Variants in SCARB1 observed in about 807,000 individuals in gnomAD.
SCARB1 encodes CD36 and LIMPII analogous 1.
SCARB1 carries 30 observed loss-of-function variants against 57.2 expected under a neutral mutation model. The ratio of observed to expected loss-of-function variants is 0.52; its 90% CI spans 0.39 to 0.71. The LOEUF is 0.71. Among genes scored for constraint, SCARB1 ranks in the 30% least tolerant of loss-of-function variants. The pLI, the probability that SCARB1 is intolerant of heterozygous loss-of-function variation, is 0.00. For synonymous variants in SCARB1, 249 were observed against 268.3 expected (o/e 0.93, Z 0.70); for missense variants, 543 against 671.2 (o/e 0.81, Z 2.11).
Position 124,778,402 on chromosome 12 carries a change from G to A in SCARB1, c.*185C>T, listed in dbSNP as rs990642498. On this transcript the variant is annotated 3_prime_UTR_variant, in exon 13 of 13. Transcript: ENST00000261693. ...CCTGAGTGTCTGCACAAGCCTGCAC[G>A]CATGTGTGTATGTGTGCCAGGGCGT... 2.2e-5 allele frequency: 27 copies of A among 1,252,038 alleles called. No homozygotes were observed. Among genetic ancestry groups the A allele is most frequent in the Middle Eastern group, 2.1e-4 (1 of 4,774 alleles). The allele number at this position is 1,252,038 out of a possible 1,614,324, so 77.6% of individuals were successfully genotyped here.
chr12:124,798,417 T>G (rs534047612), intron 8 of SCARB1, among the ~76,000 whole-genome samples: 3 of 149,730 alleles, frequency 2.0e-5, no homozygotes, highest in Middle Eastern at 3.7e-3. Flanking sequence ...TCTCAAAAAA[T>G]AAATAAATAA....
At chr12:124,843,937 G>A (rs1952022450) in intron 1 of SCARB1, among the ~76,000 whole-genome samples, 1 of 152,174 alleles carries the variant, frequency 6.6e-6, no homozygotes, top group South Asian at 2.1e-4. Flanking sequence ...ATCGTCTCAG[G>A]TGCTGGAGAG....
At position 124,845,873 on chromosome 12, in the gene SCARB1, G is replaced by A. The variant is rs576100019; in HGVS notation, c.126+17722C>T. On this transcript the variant is annotated intron_variant, in intron 1 of 12. Coordinates refer to ENST00000261693, the MANE Select transcript of SCARB1 (RefSeq NM_005505.5). Reference sequence around the variant, plus strand: ...TACAAAAAAAAAAAATTAGCCGGGTGTGGTGACAGGCGCCTGTAGTCCCAG... The same window carrying A: ...TACAAAAAAAAAAAATTAGCCGGGTATGGTGACAGGCGCCTGTAGTCCCAG... 1.3e-3 allele frequency among the ~76,000 whole-genome samples: 200 copies of A among 151,586 alleles called. 1 individual carries two copies. The highest frequency in any genetic ancestry group is 2.1e-3 in the Non-Finnish European group (144 of 67,906).
chr12:124,839,442 C>G (rs1158441343), intron 1 of SCARB1, among the ~76,000 whole-genome samples: 8 of 152,312 alleles, frequency 5.3e-5, no homozygotes, highest in Non-Finnish European at 1.0e-4. Context: ...CAGCTTCTTA[C>G]CCACCACCCA....
At chr12:124,854,735 A>G (rs1449760166) in intron 1 of SCARB1, among the ~76,000 whole-genome samples, 1 of 152,158 alleles carries the variant, frequency 6.6e-6, no homozygotes, top group African/African-American at 2.4e-5. Context: ...GGCCCGGGCA[A>G]CTGGAAGATG....
chr12:124,830,229 G>A (rs1333070769), intron 1 of SCARB1, among the ~76,000 whole-genome samples: 1 of 152,206 alleles, frequency 6.6e-6, no homozygotes, highest in African/African-American at 2.4e-5. Context: ...AGCAGCCAGA[G>A]TGCTCACACA....
chr12:124,854,762 G>A (rs1196079759), intron 1 of SCARB1, among the ~76,000 whole-genome samples: 1 of 152,212 alleles, frequency 6.6e-6, no homozygotes, highest in African/African-American at 2.4e-5. Flanking sequence ...CTATGATGGA[G>A]TGGGAAGCTG....
At chr12:124,801,174 G>C in intron 7 of SCARB1, among the ~76,000 whole-genome samples, 1 of 152,136 alleles carries the variant, frequency 6.6e-6, no homozygotes, top group East Asian at 1.9e-4. Context: ...ACTCCAGCCT[G>C]GGTAACAGAG....
At chr12:124,778,695 C>T (rs1429522996) in intron 12 of SCARB1, 109 bp from the exon 13 acceptor site, 18 of 1,128,824 alleles carry the variant, frequency 1.6e-5, no homozygotes, top group Non-Finnish European at 2.0e-5. Flanking sequence ...AGACTCCACC[C>T]CCGCCACCAG....
chr12:124,778,649 C>T, intron 12 of SCARB1, 63 bp from the exon 13 acceptor site: 1 of 1,345,458 alleles, frequency 7.4e-7, no homozygotes, highest in Non-Finnish European at 9.6e-7. Context: ...ACCCTCATCC[C>T]CGCCCACCAC....
intron 9 of SCARB1, among the ~76,000 whole-genome samples, chr12:124,790,487 C>T (rs1385271098): frequency 6.6e-6 from 1 of 152,178 alleles, no homozygotes; most frequent in Non-Finnish European, 1.5e-5. Flanking sequence ...AGGTTCTCCC[C>T]TGGAGCCTCT....
chr12:124,801,977 C>T, intron 7 of SCARB1, among the ~76,000 whole-genome samples: 1 of 151,584 alleles, frequency 6.6e-6, no homozygotes, highest in Admixed American at 6.6e-5. Context: ...ATGGAGAAAC[C>T]CCGTCTCTAC....
At chr12:124,828,100 T>C (rs1429683513) in intron 1 of SCARB1, among the ~76,000 whole-genome samples, 2 of 152,116 alleles carry the variant, frequency 1.3e-5, no homozygotes, top group African/African-American at 4.8e-5. Context: ...TTGTGTGTTT[T>C]AAACAGCTCA....
intron 1 of SCARB1, among the ~76,000 whole-genome samples, chr12:124,830,684 C>T (rs1951348192): frequency 1.3e-5 from 2 of 152,120 alleles, no homozygotes; most frequent in Admixed American, 1.3e-4. Flanking sequence ...GAGGCGTTTA[C>T]ACTTGGTATA....
chr12:124,830,986 T>TTC (rs1951363765), intron 1 of SCARB1, among the ~76,000 whole-genome samples: 1 of 150,408 alleles, frequency 6.6e-6, no homozygotes, highest in Non-Finnish European at 1.5e-5. Flanking sequence ...CTGATTTTTT[T>TTC]TTTTTTTTAG....
At chr12:124,803,542 C>G (rs1161151514) in intron 7 of SCARB1, among the ~76,000 whole-genome samples, 1 of 151,976 alleles carries the variant, frequency 6.6e-6, no homozygotes, top group African/African-American at 2.4e-5. Context: ...TGCACTCCAG[C>G]CTGGGCGACA....
chr12:124,831,222 G>A (rs575338994), intron 1 of SCARB1, among the ~76,000 whole-genome samples: 1 of 152,186 alleles, frequency 6.6e-6, no homozygotes, highest in East Asian at 1.9e-4. Context: ...CAGGTGATCT[G>A]CCTGCCTCGG....
intron 1 of SCARB1, chr12:124,840,116 T>C: frequency 8.1e-7 from 1 of 1,227,966 alleles, no homozygotes; most frequent in Non-Finnish European, 1.1e-6. Flanking sequence ...TGTGTCTCAC[T>C]GATTCTCATT....
rs60063887 is a variant in SCARB1, at chr12:124,817,353, TAAAA to T, written c.284+193_284+196del. On this transcript the variant is annotated intron_variant, in intron 2 of 12. Transcript: ENST00000261693. This position sits in a 1 kb window ranked among gnomAD's most constrained non-coding sequence, Gnocchi z 4.8. ...GGGCAACATAGCAAGATCCCATCTCTAAAAAAAAAAAAAAAAAAAAAAAAAACCC... is the reference window on the plus strand; with the variant it reads ...GGGCAACATAGCAAGATCCCATCTCTAAAAAAAAAAAAAAAAAAAAAACCC... Among the ~76,000 whole-genome samples, 4 of 68,768 alleles carry T rather than the reference TAAAA, an allele frequency of 5.8e-5. No homozygotes were observed. Among genetic ancestry groups the T allele is most frequent in the African/African-American group, 1.1e-4 (2 of 18,080 alleles). 45.1% of individuals were successfully genotyped at this position (68,768 alleles called of 152,430 possible).
Sources: allele counts gnomAD v4.1 joint callset (sites outside exome capture counted in the v4.1 genomes callset), GRCh38; gene constraint gnomAD v4.1.1; non-coding constraint Gnocchi (gnomAD v3.1); transcripts MANE v1.5; gene names NCBI Gene and HGNC (gene_info 2026-07-23, HGNC 2026-07-21).